The following ARHGEF4 variants were observed in gnomAD, a reference collection of about 807,000 sequenced individuals.
The protein encoded by ARHGEF4 is Rho guanine nucleotide exchange factor 4.
In ARHGEF4, 119 loss-of-function variants were observed where a neutral mutation model predicts 162.0. The observed-to-expected ratio is 0.73, with a 90% confidence interval of 0.63 to 0.86. The LOEUF (loss-of-function observed/expected upper bound fraction) is 0.86. Among genes scored for constraint, ARHGEF4 ranks in the 40% least tolerant of loss-of-function variants. The probability of loss-of-function intolerance (pLI) is 0.00; values close to 1 mark genes in which losing one functional copy is unlikely to be tolerated. For synonymous variants in ARHGEF4, 1,014 were observed against 979.9 expected (o/e 1.03, Z -0.65); for missense variants, 2,488 against 2,456.0 (o/e 1.01, Z -0.28).
chr2:130,837,128 C>A (rs1174295795), intron 1 of ARHGEF4, 136 bp downstream of exon 1: 2 of 796,120 alleles, frequency 2.5e-6, no homozygotes, highest in Non-Finnish European at 3.4e-6. Context: ...CTCGTGGCTC[C>A]CCGCCGCTCC....
intron 1 of ARHGEF4, among the ~76,000 whole-genome samples, chr2:130,880,054 G>C (rs1435099271): frequency 2.0e-5 from 3 of 152,228 alleles, no homozygotes; most frequent in South Asian, 2.1e-4. Context: ...CGCTCACACA[G>C]AGCTTGGAGG....
intron 1 of ARHGEF4, among the ~76,000 whole-genome samples, chr2:130,856,789 AACTT>A (rs1454603392): frequency 6.6e-6 from 1 of 151,606 alleles, no homozygotes; most frequent in African/African-American, 2.4e-5. Flanking sequence ...TGTACCCTAA[AACTT>A]AAAGTATATT....
chr2:131,031,681 C>A (rs1322381680), intron 5 of ARHGEF4, among the ~76,000 whole-genome samples: 1 of 152,222 alleles, frequency 6.6e-6, no homozygotes, highest in Non-Finnish European at 1.5e-5. Context: ...TTAAGGAATG[C>A]AGACGCTGAG....
Position 131,011,994 on chromosome 2 carries a change from G to A in ARHGEF4, c.3986-15951G>A, listed in dbSNP as rs1344874548. ...GCTGATGGACTTGATGATAAATATG[G>A]ATGTGAACTGAAAGAAAGACAGGCG... On this transcript the variant is annotated intron_variant, in intron 4 of 13. Coordinates refer to ENST00000409359, the MANE Select transcript of ARHGEF4 (RefSeq NM_001367493.1). 5 of 686,200 alleles carry A rather than the reference G, an allele frequency of 7.3e-6. No individual in the cohort carries two copies. In the East Asian group the frequency reaches 8.1e-5, roughly 11 times the overall value. 42.5% of individuals were successfully genotyped at this position (686,200 alleles called of 1,614,324 possible). A position where few individuals can be genotyped will look rare whatever the true frequency, so the allele number is the denominator to read the frequency against.
intron 1 of ARHGEF4, among the ~76,000 whole-genome samples, chr2:130,846,521 G>C (rs1680973739): frequency 6.6e-6 from 1 of 152,228 alleles, no homozygotes; most frequent in African/African-American, 2.4e-5. Context: ...CGGGGGCTGT[G>C]ACCCCTGCCG....
At chr2:130,851,432 G>C (rs778518980) in intron 1 of ARHGEF4, among the ~76,000 whole-genome samples, 1 of 152,228 alleles carries the variant, frequency 6.6e-6, no homozygotes, top group Non-Finnish European at 1.5e-5. Flanking sequence ...AGCTGGGAGT[G>C]GGGTGAGAAT....
intron 4 of ARHGEF4, among the ~76,000 whole-genome samples, chr2:130,960,287 G>GTGTACCATTACGATGTTATATATTT (rs1446620046): frequency 1.5e-4 from 23 of 152,314 alleles, no homozygotes; most frequent in South Asian, 4.1e-4. Flanking sequence ...CCTTATACAA[G>GTGTACCATTACGATGTTATATATTT]TGTACCATTA....
intron 10 of ARHGEF4, among the ~76,000 whole-genome samples, chr2:131,043,240 G>A (rs1328754976): frequency 1.3e-5 from 2 of 152,138 alleles, no homozygotes; most frequent in African/African-American, 2.4e-5. Context: ...AGCCACCAGA[G>A]GCCACTGGTG....
At chr2:130,905,862 A>G (rs1680782060) in intron 1 of ARHGEF4, among the ~76,000 whole-genome samples, 1 of 152,226 alleles carries the variant, frequency 6.6e-6, no homozygotes, top group Non-Finnish European at 1.5e-5. Context: ...ATAGGGTTCA[A>G]TACTATCTGC....
At chr2:130,895,242 A>G (rs1680088954) in intron 1 of ARHGEF4, among the ~76,000 whole-genome samples, 1 of 152,136 alleles carries the variant, frequency 6.6e-6, no homozygotes, top group South Asian at 2.1e-4. Context: ...AGACCTCACC[A>G]TGCTGTTGTG....
chr2:130,869,451 A>G (rs72992421), intron 1 of ARHGEF4, among the ~76,000 whole-genome samples: 1,757 of 152,220 alleles, frequency 0.012, 34 homozygotes, highest in African/African-American at 0.038. Context: ...AGAGGGAGTT[A>G]CCCCTGAGAT....
intron 1 of ARHGEF4, among the ~76,000 whole-genome samples, chr2:130,883,664 A>T (rs1187026075): frequency 1.3e-5 from 2 of 152,136 alleles, no homozygotes; most frequent in East Asian, 3.8e-4. Flanking sequence ...GGGCCCACGC[A>T]TGTCTGCAGG....
chr2:130,990,891 A>G (rs1447105906), intron 4 of ARHGEF4, among the ~76,000 whole-genome samples: 2 of 152,164 alleles, frequency 1.3e-5, no homozygotes, highest in Non-Finnish European at 2.9e-5. Flanking sequence ...AATCTTAGAC[A>G]TGTACCTCAC....
chr2:130,911,948 G>A (rs892002150), intron 1 of ARHGEF4, among the ~76,000 whole-genome samples: 2 of 152,204 alleles, frequency 1.3e-5, no homozygotes, highest in Non-Finnish European at 2.9e-5. Context: ...TGATGCCTGC[G>A]TGAGTCTGGA....
intron 2 of ARHGEF4, 84 bp from the exon 3 acceptor site, chr2:130,930,868 G>C: frequency 7.4e-7 from 1 of 1,352,998 alleles, no homozygotes; most frequent in South Asian, 1.4e-5. Flanking sequence ...TACCCAAAAG[G>C]AACTAGGCAG....
chr2:130,895,025 A>C (rs1331612865), intron 1 of ARHGEF4, among the ~76,000 whole-genome samples: 2 of 152,310 alleles, frequency 1.3e-5, no homozygotes, highest in East Asian at 1.9e-4. Context: ...TTGCATAACT[A>C]TCCCCACAAT....
intron 4 of ARHGEF4, among the ~76,000 whole-genome samples, chr2:131,010,475 A>G (rs973879744): frequency 3.9e-5 from 6 of 152,214 alleles, no homozygotes; most frequent in Admixed American, 6.5e-5. Flanking sequence ...TTAAGAGAAA[A>G]TAAATATTTT....
rs1342421191 is a variant in ARHGEF4 at position 130,882,869 on chromosome 2, G to T, written c.40-31117G>T. ...CCATCCACAATGGGCTGAGTCCCCC[G>T]AGGGACAGGGACATAGGGCTGGACA... On this transcript the variant is annotated intron_variant, in intron 1 of 13. Transcript: ENST00000409359. Among the ~76,000 whole-genome samples, 3 of 151,976 alleles carry T rather than the reference G, an allele frequency of 2.0e-5. 1 individual carries two copies. Among genetic ancestry groups the T allele is most frequent in the African/African-American group, 7.3e-5 (3 of 41,276 alleles).
At chr2:130,848,244 G>A (rs1681136021) in intron 1 of ARHGEF4, among the ~76,000 whole-genome samples, 1 of 152,166 alleles carries the variant, frequency 6.6e-6, no homozygotes, top group Non-Finnish European at 1.5e-5. Flanking sequence ...CCCACCCTGT[G>A]GGGCAGCAGG....
Sources: gnomAD v4.1 joint callset for allele counts (sites outside exome capture counted in the v4.1 genomes callset) on GRCh38, gnomAD v4.1.1 for gene constraint, MANE v1.5 for transcripts, NCBI Gene and HGNC (gene_info 2026-07-23, HGNC 2026-07-21) for gene names.